VWCE: variants seen among roughly 807,000 people sequenced by gnomAD.
VWCE encodes von Willebrand factor C and EGF domains, also known as von Willebrand factor C and EGF domain-containing protein.
A neutral mutation model predicts 102.9 loss-of-function variants in VWCE; 68 were observed. That is an observed-to-expected ratio of 0.66 (90% CI 0.54 to 0.81). The LOEUF (loss-of-function observed/expected upper bound fraction) is 0.81, where lower values mean the gene tolerates loss of function less well. VWCE is among the 30% of genes least tolerant of loss of function. The pLI is 0.00. For missense variants in VWCE, 1,137 were observed against 1,263.6 expected, an observed-to-expected ratio of 0.90 and a Z score of 1.52; for synonymous variants, 497 against 515.4, an observed-to-expected ratio of 0.96 and a Z score of 0.48.
In VWCE at chr11:61,258,637, G is replaced by A. The variant is rs751209583; in HGVS notation, c.*38C>T. On this transcript the variant is annotated 3_prime_UTR_variant, in exon 20 of 20. Transcript: ENST00000335613. ...GCACACACCCTGGGCCACTGGCAGA[G>A]GTCCTCTCTCCAGAGTCTCCCGGAC... 3 of 1,340,614 alleles carry A rather than the reference G, an allele frequency of 2.2e-6. No homozygotes were observed. The highest frequency in any genetic ancestry group is 2.8e-5 in the South Asian group (1 of 35,242). 83.0% of individuals were successfully genotyped at this position (1,340,614 alleles called of 1,614,324 possible).
chr11:61,281,746 G>A, intron 7 of VWCE, 40 bp downstream of exon 7: 1 of 1,584,540 alleles, frequency 6.3e-7, no homozygotes, highest in African/African-American at 1.3e-5. Flanking sequence ...GCACTGAGGG[G>A]GCGTGGCCAG....
Position 61,294,609 on chromosome 11 carries a change from C to T in VWCE, c.110+319G>A, listed in dbSNP as rs1403972645. 7.2e-5 allele frequency among the ~76,000 whole-genome samples: 11 copies of T among 152,122 alleles called. 1 individual carries two copies. Among genetic ancestry groups the T allele is most frequent in the Admixed American group, 7.2e-4 (11 of 15,282 alleles). On this transcript the variant is annotated intron_variant, in intron 1 of 19. Coordinates refer to ENST00000335613, the MANE Select transcript of VWCE (RefSeq NM_152718.2). This position sits in a 1 kb window ranked among gnomAD's most constrained non-coding sequence, Gnocchi z 6.3. ...GGGGGTGAGCCAGCCAGTCCGGAGA[C>T]CAGATGGCACGTCCTGGGCTCCCCT...
At chr11:61,288,998 C>G (rs764331968) in intron 4 of VWCE, among the ~76,000 whole-genome samples, 3 of 151,790 alleles carry the variant, frequency 2.0e-5, no homozygotes, top group Non-Finnish European at 4.4e-5. Context: ...GCCACCACAC[C>G]CACCTAATTT....
chr11:61,286,221 A>C (rs1855314513), intron 5 of VWCE, 93 bp downstream of exon 5: 1 of 1,204,980 alleles, frequency 8.3e-7, no homozygotes, highest in Non-Finnish European at 1.2e-6. Flanking sequence ...AGTGGCACAC[A>C]GAGCACACTG....
In VWCE at chr11:61,265,074, C is replaced by T. The variant is rs372459591; in HGVS notation, c.2057-36G>A. On this transcript the variant is annotated intron_variant, in intron 17 of 19. Coordinates refer to ENST00000335613, the MANE Select transcript of VWCE (RefSeq NM_152718.2). Reference sequence around the variant, plus strand: ...AGGGGAGACAGGAGCCCATGAGAGCCGAGGCCTGGCCGGGAACCTGGCACG... The same window carrying T: ...AGGGGAGACAGGAGCCCATGAGAGCTGAGGCCTGGCCGGGAACCTGGCACG... 8.1e-6 allele frequency: 13 copies of T among 1,613,802 alleles called. No homozygotes were observed. The African/African-American group carries it at 9.3e-5, about 12-fold the overall frequency.
chr11:61,293,006 C>T (rs1485588198), intron 1 of VWCE, among the ~76,000 whole-genome samples: 1 of 151,622 alleles, frequency 6.6e-6, no homozygotes, highest in East Asian at 1.9e-4. Context: ...CTTTGGGAGG[C>T]CAAGGCGGGC....
intron 15 of VWCE, among the ~76,000 whole-genome samples, chr11:61,268,056 G>A (rs1289897713): frequency 6.6e-6 from 1 of 151,790 alleles, no homozygotes; most frequent in Admixed American, 6.6e-5. Flanking sequence ...CAGGTGATGA[G>A]ACAGTAGGGG....
chr11:61,277,878 G>A (rs1004053442), intron 10 of VWCE, among the ~76,000 whole-genome samples: 3 of 151,738 alleles, frequency 2.0e-5, no homozygotes, highest in South Asian at 2.1e-4. Context: ...TCGCTCTGTC[G>A]CCCAGGCTGG....
rs185627676 is a variant in VWCE, at chr11:61,290,062, T to C, written c.424+737A>G. Among the ~76,000 whole-genome samples, 244 of 152,334 alleles carry C rather than the reference T, an allele frequency of 1.6e-3. 1 individual carries two copies. Among genetic ancestry groups the C allele is most frequent in the Non-Finnish European group, 2.5e-3 (172 of 68,042 alleles). ...AGTTTAGCGTCCCTCATCTTTTAAA[T>C]GTCATTTTCCCAAGGAGCCTCCCCT... On this transcript the variant is annotated intron_variant, in intron 4 of 19. Coordinates refer to ENST00000335613, the MANE Select transcript of VWCE (RefSeq NM_152718.2).
At chr11:61,267,358 T>C in intron 16 of VWCE, 104 bp downstream of exon 16, 1 of 1,153,092 alleles carries the variant, frequency 8.7e-7, no homozygotes, top group South Asian at 1.3e-5. Flanking sequence ...ACCAGAAGCA[T>C]CCCTTGTCTT....
intron 9 of VWCE, 88 bp from the exon 10 acceptor site, chr11:61,278,564 A>T: frequency 8.1e-7 from 1 of 1,231,720 alleles, no homozygotes; most frequent in Non-Finnish European, 1.2e-6. Flanking sequence ...TGCTTAATGT[A>T]CCTGGAACAT....
intron 10 of VWCE, among the ~76,000 whole-genome samples, 180 bp downstream of exon 10, chr11:61,278,214 C>A (rs532631681): frequency 6.6e-6 from 1 of 152,192 alleles, no homozygotes; most frequent in South Asian, 2.1e-4. Flanking sequence ...CACCAACCTT[C>A]GTGTTTTACA....
rs780255844 is a variant in VWCE at position 61,291,574 on chromosome 11, C to T, written c.113G>A (p.Arg38His). The T allele has an allele frequency of 2.2e-5, 32 of 1,437,030 alleles. No homozygotes were observed. Among genetic ancestry groups the T allele is most frequent in the Non-Finnish European group, 2.8e-5 (30 of 1,089,750 alleles). The allele number at this position is 1,437,030 out of a possible 1,614,324, so 89.0% of individuals were successfully genotyped here. ...KPPGHFAAER[R>H]RLGPHVCLSG... Reference sequence around the variant, plus strand: ...GAGGCAGACGTGGGGGCCCAGTCGGCGTCTGCAAGAGAAGAGAGAGCACTT... The same window carrying T: ...GAGGCAGACGTGGGGGCCCAGTCGGTGTCTGCAAGAGAAGAGAGAGCACTT... The change falls in exon 2 of 20, where the codon CGC becomes CAC. Residue 38 changes from arginine to histidine, a missense_variant and splice_region_variant. This residue lies in a region of VWCE where 575 missense variants were observed against 625.9 expected (regional missense o/e 0.92). Transcript: ENST00000335613.
chr11:61,281,765 A>T, intron 7 of VWCE, 21 bp downstream of exon 7: 1 of 1,596,856 alleles, frequency 6.3e-7, no homozygotes, highest in East Asian at 2.3e-5. Context: ...AGCCGCCGGG[A>T]TGGAGGGGCC....
intron 12 of VWCE, 123 bp from the exon 13 acceptor site, chr11:61,273,439 G>A (rs1164926034): frequency 2.3e-6 from 2 of 880,884 alleles, no homozygotes; most frequent in African/African-American, 3.4e-5. Context: ...AACTGACAAA[G>A]AAATCTACTA....
chr11:61,286,198 G>T, intron 5 of VWCE, 116 bp downstream of exon 5: 1 of 1,010,066 alleles, frequency 9.9e-7, no homozygotes, highest in Non-Finnish European at 1.5e-6. Context: ...AGCCGGTGGT[G>T]AAGGTTCAAT....
intron 3 of VWCE, 112 bp from the exon 4 acceptor site, chr11:61,291,039 G>A (rs1855487713): frequency 1.4e-6 from 2 of 1,476,928 alleles, no homozygotes; most frequent in Admixed American, 2.2e-5. Context: ...AGGCAAACAG[G>A]CCTGGGTTTA....
intron 4 of VWCE, among the ~76,000 whole-genome samples, chr11:61,287,768 A>C (rs1169512428): frequency 6.6e-6 from 1 of 152,216 alleles, no homozygotes; most frequent in East Asian, 1.9e-4. Context: ...TCCAGGCAGC[A>C]GCTGGGCTCC....
chr11:61,265,914 T>C (rs1854498654), intron 16 of VWCE, among the ~76,000 whole-genome samples: 2 of 151,910 alleles, frequency 1.3e-5, no homozygotes, highest in Admixed American at 6.6e-5. Context: ...GGCGTGGTGG[T>C]GCGCACCTGT....
Sources: gnomAD v4.1 joint callset for allele counts (sites outside exome capture counted in the v4.1 genomes callset) on GRCh38, gnomAD v4.1.1 for gene constraint, gnomAD v4.1.1 regional missense constraint, Gnocchi (gnomAD v3.1) non-coding constraint, MANE v1.5 for transcripts, NCBI Gene and HGNC (gene_info 2026-07-23, HGNC 2026-07-21) for gene names.